Variants in EPG5 observed in about 807,000 individuals in gnomAD.
EPG5 encodes ectopic P granules protein 5 homolog.
EPG5 carries 159 observed loss-of-function variants against 302.7 expected under a neutral mutation model. The observed-to-expected ratio is 0.53, with a 90% CI of 0.46 to 0.60. The LOEUF is 0.60. Ranked by LOEUF, EPG5 falls within the 20% of genes least tolerant of loss-of-function variation. The pLI, the probability that EPG5 is intolerant of heterozygous loss-of-function variation, is 0.00. For missense variants in EPG5, 2,896 were observed against 3,092.4 expected (o/e 0.94, Z 1.51); for synonymous variants, 1,158 against 1,136.8 (o/e 1.02, Z -0.37).
intron 27 of EPG5, among the ~76,000 whole-genome samples, chr18:45,890,607 C>G (rs1376620429): frequency 2.0e-5 from 3 of 151,920 alleles, no homozygotes; most frequent in Non-Finnish European, 4.4e-5. Flanking sequence ...TTTTTCAACT[C>G]AAAAGATTAT....
chr18:45,866,501 C>T (rs149571541), intron 38 of EPG5, among the ~76,000 whole-genome samples: 307 of 152,248 alleles, frequency 2.0e-3, no homozygotes, highest in Non-Finnish European at 3.6e-3. Context: ...ACCAACCTCC[C>T]TTCCTCCCTG....
intron 27 of EPG5, chr18:45,890,184 C>T: frequency 3.1e-6 from 1 of 318,452 alleles, no homozygotes; most frequent in Non-Finnish European, 5.8e-6. Flanking sequence ...CCCATGTCTT[C>T]CACCACTGAG....
chr18:45,866,834 C>G lies in EPG5; in HGVS notation c.6585G>C (p.Ala2195=). ...ELIMKLLKVS[A]GLSIPTDSQK... is the part of the protein sequence containing the mutation. ...GGCTGTCAGTAGGAATAGAAAGGCC[C>G]GCAGACACTTTTAGGAGCTTCATGA... Residue 2195 remains alanine (A), a synonymous_variant, in exon 38 of 44, where the codon GCG becomes GCC. Transcript: ENST00000282041. The G allele has an allele frequency of 6.2e-7, 1 of 1,614,040 alleles. No homozygotes were observed. Among genetic ancestry groups the G allele is most frequent in the Non-Finnish European group, 8.5e-7 (1 of 1,179,978 alleles).
intron 13 of EPG5, among the ~76,000 whole-genome samples, chr18:45,927,896 G>C (rs1054076595): frequency 1.3e-5 from 2 of 152,062 alleles, no homozygotes; most frequent in Non-Finnish European, 2.9e-5. Flanking sequence ...AGATAGAAGA[G>C]TAAGAGTGAT....
chr18:45,949,966 T>C (rs548364378), intron 4 of EPG5, among the ~76,000 whole-genome samples: 18 of 152,304 alleles, frequency 1.2e-4, no homozygotes, highest in African/African-American at 4.3e-4. Context: ...AGTACAAACC[T>C]AAAAAGAGCA....
At chr18:45,838,713 T>G in the EPG5 span, 14 of 1,568,770 alleles carry the variant, frequency 8.9e-6, no homozygotes, top group Non-Finnish European at 1.2e-5. Context: ...CCTTCTCCCC[T>G]GCAGCCGCGC....
intron 39 of EPG5, among the ~76,000 whole-genome samples, chr18:45,864,989 C>T (rs566563288): frequency 6.6e-6 from 1 of 152,274 alleles, no homozygotes; most frequent in East Asian, 1.9e-4. Context: ...TCCTTTTAGG[C>T]TCCCATCTTA....
At chr18:45,859,635 C>T (rs368712722) in intron 40 of EPG5, among the ~76,000 whole-genome samples, 2 of 152,136 alleles carry the variant, frequency 1.3e-5, no homozygotes, top group African/African-American at 4.8e-5. Flanking sequence ...AATGAATGAG[C>T]CCTTCATAAT....
the EPG5 span, among the ~76,000 whole-genome samples, chr18:45,834,729 G>T: frequency 6.6e-5 from 10 of 152,372 alleles, no homozygotes; most frequent in Admixed American, 2.6e-4. Flanking sequence ...CTGGCATAAA[G>T]TGGGGAAGTG....
chr18:45,837,100 T>C, the EPG5 span: 9 of 1,612,782 alleles, frequency 5.6e-6, no homozygotes, highest in Non-Finnish European at 7.6e-6. Flanking sequence ...TAAGTGCTTT[T>C]ATTATTATCA....
At position 45,953,425 on chromosome 18, in the gene EPG5, T is replaced by C. The variant is rs1258912067; in HGVS notation, c.1009-782A>G. ...TCTTCTTCAATACAGTATTTCCAAA[T>C]ATTTCCCTCCTTACTATGTACAGAG... On this transcript the variant is annotated intron_variant, in intron 2 of 43. Coordinates refer to ENST00000282041, the MANE Select transcript of EPG5 (RefSeq NM_020964.3). 7 of 985,248 alleles carry C rather than the reference T, an allele frequency of 7.1e-6. No homozygotes were observed. The East Asian group carries it at 6.8e-4, about 96-fold the overall frequency. The allele number at this position is 985,248 out of a possible 1,614,324, so 61.0% of individuals were successfully genotyped here.
chr18:45,860,046 T>C (rs1467138780), intron 40 of EPG5, 58 bp downstream of exon 40: 1 of 1,593,722 alleles, frequency 6.3e-7, no homozygotes. Context: ...CTGATGACAA[T>C]GCTTTCATCT....
intron 30 of EPG5, among the ~76,000 whole-genome samples, chr18:45,882,968 T>C (rs1453070346): frequency 4.7e-5 from 7 of 149,218 alleles, no homozygotes; most frequent in African/African-American, 1.8e-4. Flanking sequence ...GATCACGCCA[T>C]TGCACTCCAG....
At chr18:45,953,292 CA>C (rs2050953190) in intron 2 of EPG5, 3 of 985,084 alleles carry the variant, frequency 3.0e-6, no homozygotes, top group Middle Eastern at 5.2e-4. Flanking sequence ...GTGATATCTC[CA>C]AAACTTCAAG....
chr18:45,855,535 T>G, intron 43 of EPG5, 38 bp downstream of exon 43: 1 of 1,475,494 alleles, frequency 6.8e-7, no homozygotes. Context: ...AGGGAAGATG[T>G]GCAGGCAAAC....
At chr18:45,824,676 G>T in the EPG5 span, among the ~76,000 whole-genome samples, 1 of 152,226 alleles carries the variant, frequency 6.6e-6, no homozygotes. Flanking sequence ...AGGAGGAACA[G>T]AACACAGGAC....
chr18:45,865,478 C>T (rs574522799), intron 39 of EPG5, 137 bp downstream of exon 39: 5 of 957,642 alleles, frequency 5.2e-6, no homozygotes, highest in East Asian at 2.5e-5. Context: ...TCCCTGGTGT[C>T]CAAACACCTC....
intron 23 of EPG5, among the ~76,000 whole-genome samples, chr18:45,908,923 TG>T: frequency 6.6e-6 from 1 of 151,508 alleles, no homozygotes; most frequent in South Asian, 2.1e-4. Context: ...CACTTCAGCC[TG>T]GGTGACAGAG....
chr18:45,908,722 G>A (rs922237636), intron 23 of EPG5, among the ~76,000 whole-genome samples: 5 of 152,296 alleles, frequency 3.3e-5, no homozygotes, highest in Admixed American at 1.3e-4. Context: ...AGGCCAAGGC[G>A]GGCGGATCAC....
Sources: allele counts gnomAD v4.1 joint callset (sites outside exome capture counted in the v4.1 genomes callset), GRCh38; gene constraint gnomAD v4.1.1; transcripts MANE v1.5; gene names NCBI Gene and HGNC (gene_info 2026-07-23, HGNC 2026-07-21).